The following CNTRL variants were observed in gnomAD, a reference collection of about 807,000 sequenced individuals.
CNTRL encodes the protein 110 kDa centrosomal protein.
CNTRL carries 233 observed loss-of-function variants against 303.7 expected under a neutral mutation model. The ratio of observed to expected loss-of-function variants is 0.77; its 90% CI spans 0.69 to 0.86. CNTRL has a LOEUF of 0.86. Ranked by LOEUF, CNTRL falls within the 40% of genes least tolerant of loss-of-function variation. The pLI is 0.00. For missense variants in CNTRL, 2,524 were observed against 2,650.6 expected, an observed-to-expected ratio of 0.95 and a Z score of 1.05; for synonymous variants, 900 against 922.2, an observed-to-expected ratio of 0.98 and a Z score of 0.44.
chr9:121,152,389 A>T, intron 25 of CNTRL, 96 bp from the exon 26 acceptor site: 1 of 965,926 alleles, frequency 1.0e-6, no homozygotes, highest in Non-Finnish European at 1.6e-6. Flanking sequence ...GGCCATTGAT[A>T]CCACTTTAAC....
chr9:121,157,618 G>A lies in CNTRL; in HGVS notation c.4496+18G>A, dbSNP rs748673029. 2 of 1,612,290 alleles carry A rather than the reference G, an allele frequency of 1.2e-6. No individual in the cohort carries two copies. The highest frequency in any genetic ancestry group is 1.7e-6 in the Non-Finnish European group (2 of 1,179,512). ...CAGCTAAGGTAGGTGGATTCCCTAA[G>A]CCGTTGATGTATACATTGAGATGAA... On this transcript the variant is annotated intron_variant, in intron 28 of 43. Coordinates refer to ENST00000373855, the MANE Select transcript of CNTRL (RefSeq NM_007018.6).
chr9:121,094,835 T>A (rs775507001), intron 4 of CNTRL, 53 bp from the exon 5 acceptor site: 20 of 1,349,216 alleles, frequency 1.5e-5, no homozygotes, highest in Non-Finnish European at 1.9e-5. Flanking sequence ...AATGTTGTAC[T>A]TTATGTCAAG....
At chr9:121,165,143 C>T in intron 35 of CNTRL, 43 bp downstream of exon 35, 2 of 1,505,488 alleles carry the variant, frequency 1.3e-6, no homozygotes, top group Non-Finnish European at 1.8e-6. Flanking sequence ...TTTCCTTGCC[C>T]TTCGTTAGAT....
intron 27 of CNTRL, among the ~76,000 whole-genome samples, chr9:121,155,373 T>G (rs2052514811): frequency 6.6e-6 from 1 of 152,140 alleles, no homozygotes; most frequent in Non-Finnish European, 1.5e-5. Flanking sequence ...TATTTTTTGG[T>G]CAGAGATAAT....
At chr9:121,173,825 C>G in intron 42 of CNTRL, 88 bp downstream of exon 42, 1 of 1,228,054 alleles carries the variant, frequency 8.1e-7, no homozygotes, top group Non-Finnish European at 1.2e-6. Context: ...CTGATGCTTT[C>G]ACATCCATGC....
At chr9:121,136,176 G>A (rs1213889568) in intron 15 of CNTRL, among the ~76,000 whole-genome samples, 194 bp downstream of exon 15, 1 of 152,144 alleles carries the variant, frequency 6.6e-6, no homozygotes, top group Admixed American at 6.5e-5. Flanking sequence ...GGGCAAATCA[G>A]TTCATAGCTC....
chr9:121,149,452 A>C (rs998232232), intron 24 of CNTRL, among the ~76,000 whole-genome samples: 1 of 151,582 alleles, frequency 6.6e-6, no homozygotes, highest in Admixed American at 6.6e-5. Flanking sequence ...CCCAGGCTAG[A>C]GTGCAGTGGC....
At chr9:121,170,869 A>T (rs1033842920) in intron 39 of CNTRL, among the ~76,000 whole-genome samples, 14 of 152,238 alleles carry the variant, frequency 9.2e-5, no homozygotes, top group African/African-American at 3.1e-4. Context: ...CCATGCTTTC[A>T]TCCTTGAAAT....
intron 14 of CNTRL, among the ~76,000 whole-genome samples, chr9:121,134,009 T>C (rs931078434): frequency 3.3e-5 from 5 of 152,348 alleles, no homozygotes; most frequent in African/African-American, 9.6e-5. Context: ...AGGACTTCTT[T>C]CCATCTTTCT....
intron 14 of CNTRL, among the ~76,000 whole-genome samples, chr9:121,132,828 G>T (rs2050945579): frequency 6.6e-6 from 1 of 152,098 alleles, no homozygotes; most frequent in South Asian, 2.1e-4. Context: ...TGGTGTGGAT[G>T]TCCTTTTTGT....
intron 15 of CNTRL, among the ~76,000 whole-genome samples, chr9:121,137,972 A>C (rs555847779): frequency 2.0e-4 from 30 of 152,264 alleles, no homozygotes; most frequent in African/African-American, 7.2e-4. Flanking sequence ...CAAACCACAC[A>C]TTGAGAATAT....
At chr9:121,150,541 G>A in intron 25 of CNTRL, 58 bp downstream of exon 25, 1 of 1,503,272 alleles carries the variant, frequency 6.7e-7, no homozygotes. Context: ...GACTGATAAG[G>A]TTATATACTT....
intron 7 of CNTRL, among the ~76,000 whole-genome samples, chr9:121,098,859 G>A (rs2049008055): frequency 6.6e-6 from 1 of 151,964 alleles, no homozygotes; most frequent in African/African-American, 2.4e-5. Context: ...AAGTAACAGG[G>A]GAACCCTCTT....
intron 2 of CNTRL, among the ~76,000 whole-genome samples, chr9:121,082,665 T>G (rs1395981567): frequency 6.6e-6 from 1 of 152,042 alleles, no homozygotes; most frequent in Non-Finnish European, 1.5e-5. Context: ...ATGGTAAATA[T>G]TTGTGCATCT....
intron 8 of CNTRL, 38 bp from the exon 9 acceptor site, chr9:121,112,421 G>A: frequency 5.0e-6 from 8 of 1,598,278 alleles, no homozygotes; most frequent in Non-Finnish European, 6.8e-6. Flanking sequence ...CTAACTTACT[G>A]ATCCTGTATG....
chr9:121,170,071 G>A (rs1053640172), intron 39 of CNTRL, among the ~76,000 whole-genome samples: 1 of 152,170 alleles, frequency 6.6e-6, no homozygotes, highest in Non-Finnish European at 1.5e-5. Flanking sequence ...GCACAAAGTA[G>A]ACAGCATGTT....
chr9:121,115,070 G>T, intron 10 of CNTRL, 21 bp from the exon 11 acceptor site: 3 of 1,433,812 alleles, frequency 2.1e-6, no homozygotes, highest in Non-Finnish European at 2.9e-6. Flanking sequence ...TATTATGTGA[G>T]CATGGTTTTT....
intron 12 of CNTRL, chr9:121,121,922 C>G: frequency 1.0e-6 from 1 of 985,374 alleles, no homozygotes; most frequent in African/African-American, 1.7e-5. Flanking sequence ...CTCAACGGCT[C>G]AGTTTTAACA....
chr9:121,156,285 G>C (rs534717209), intron 27 of CNTRL, among the ~76,000 whole-genome samples: 64 of 152,244 alleles, frequency 4.2e-4, no homozygotes, highest in African/African-American at 1.5e-3. Flanking sequence ...ACCAAGGCTG[G>C]TAAGTTCTTT....
Sources: gnomAD v4.1 joint callset for allele counts (sites outside exome capture counted in the v4.1 genomes callset) on GRCh38, gnomAD v4.1.1 for gene constraint, MANE v1.5 for transcripts, NCBI Gene and HGNC (gene_info 2026-07-23, HGNC 2026-07-21) for gene names.